Variants in LRRK2 observed in about 807,000 individuals in gnomAD.
LRRK2 encodes leucine-rich repeat serine/threonine-protein kinase 2.
In LRRK2, 203 loss-of-function variants were observed where a neutral mutation model predicts 302.6. The observed-to-expected ratio is 0.67, with a 90% confidence interval of 0.60 to 0.75. The LOEUF is 0.75. Ranked by LOEUF, LRRK2 falls within the 30% of genes least tolerant of loss-of-function variation. The probability of loss-of-function intolerance (pLI) is 0.00; values close to 1 mark genes in which losing one functional copy is unlikely to be tolerated. For missense variants in LRRK2, 2,830 were observed against 2,951.0 expected (o/e 0.96, Z 0.95); for synonymous variants, 1,066 against 1,031.9 (o/e 1.03, Z -0.63).
At chr12:40,287,812 A>T (rs926771782) in intron 20 of LRRK2, among the ~76,000 whole-genome samples, 1 of 151,938 alleles carries the variant, frequency 6.6e-6, no homozygotes, top group Non-Finnish European at 1.5e-5. Flanking sequence ...ACGCTCTGTC[A>T]TTGACTAGAT....
At chr12:40,292,755 G>A (rs1944208229) in intron 20 of LRRK2, among the ~76,000 whole-genome samples, 1 of 151,382 alleles carries the variant, frequency 6.6e-6, no homozygotes, top group Admixed American at 6.6e-5. Context: ...AAAGAGTAGG[G>A]GAATTTAAAA....
chr12:40,367,674 T>C lies in LRRK2; in HGVS notation c.7493T>C (p.Ile2498Thr). The C allele has an allele frequency of 6.2e-7, 1 of 1,604,340 alleles. No individual in the cohort carries two copies. Among genetic ancestry groups the C allele is most frequent in the Non-Finnish European group, 8.5e-7 (1 of 1,174,300 alleles). The change falls in exon 51 of 51, where the codon ATC becomes ACC. Residue 2498 changes from isoleucine (I) to threonine (T), a missense_variant. Ile to Thr is a moderately conservative substitution (Grantham distance 89, BLOSUM62 -1). This residue lies in a region of LRRK2 where 456 missense variants were observed against 456.3 expected (regional missense o/e 1.00). Transcript: ENST00000298910. ...EIQSCLTVWDINLPHEVQNLE... is the reference protein window; with the variant it reads ...EIQSCLTVWDTNLPHEVQNLE... Reference sequence around the variant, plus strand: ...CAATCTTGCTTGACCGTTTGGGACATCAATCTTCCACATGAAGTGCAAAAT... The same window carrying C: ...CAATCTTGCTTGACCGTTTGGGACACCAATCTTCCACATGAAGTGCAAAAT...
chr12:40,274,748 G>A (rs1200043614), intron 15 of LRRK2, 21 bp downstream of exon 15: 1 of 1,613,778 alleles, frequency 6.2e-7, no homozygotes, highest in East Asian at 2.2e-5. Context: ...TTTGAATTCA[G>A]GATTTAGAAT....
rs1349803740 is a variant in LRRK2 at position 40,305,987 on chromosome 12, T to G, written c.3959+21T>G. ...ATAAGGTTAGATAATTTTTTTCTAT[T>G]TGGTTTTACTAAATTTATTTCAGAT... On this transcript the variant is annotated intron_variant, in intron 28 of 50. Transcript: ENST00000298910. The G allele has an allele frequency of 3.8e-6, 6 of 1,564,684 alleles. No individual in the cohort carries two copies. The East Asian group carries it at 1.4e-4, about 35-fold the overall frequency.
At chr12:40,343,801 CT>C (rs1485853160) in intron 41 of LRRK2, among the ~76,000 whole-genome samples, 8 of 152,126 alleles carry the variant, frequency 5.3e-5, no homozygotes, top group African/African-American at 1.7e-4. Context: ...AAGCATCAAA[CT>C]GGCTCTACCA....
At chr12:40,286,292 ATCCTACCGGG>A (rs1565713483) in intron 19 of LRRK2, 1 of 152,000 alleles carries the variant, frequency 6.6e-6, no homozygotes, top group Non-Finnish European at 1.5e-5. Flanking sequence ...GTGTGAGCTC[ATCCTACCGGG>A]CTTCGGGATA....
intron 7 of LRRK2, among the ~76,000 whole-genome samples, chr12:40,246,863 C>T (rs780695280): frequency 6.6e-6 from 1 of 152,136 alleles, no homozygotes; most frequent in African/African-American, 2.4e-5. Context: ...CTTGTTTCAG[C>T]TTCTTTTTGA....
chr12:40,302,132 C>T (rs1353191664), intron 25 of LRRK2, among the ~76,000 whole-genome samples: 2 of 152,076 alleles, frequency 1.3e-5, no homozygotes, highest in Admixed American at 6.5e-5. Flanking sequence ...GAGCTGAGAT[C>T]ACGCTACTGC....
chr12:40,244,277 CATACT>C (rs1941873831), intron 7 of LRRK2, among the ~76,000 whole-genome samples: 1 of 152,142 alleles, frequency 6.6e-6, no homozygotes, highest in African/African-American at 2.4e-5. Flanking sequence ...AAAATGTAAT[CATACT>C]GTATGTTGTC....
At chr12:40,305,700 C>A (rs1944792926) in intron 27 of LRRK2, 85 bp from the exon 28 acceptor site, 1 of 1,173,404 alleles carries the variant, frequency 8.5e-7, no homozygotes, top group South Asian at 1.2e-5. Context: ...AATCTGTGAG[C>A]CTTTCTTGTT....
chr12:40,365,190 G>GAA (rs1946840675), intron 49 of LRRK2, 140 bp downstream of exon 49: 1 of 746,454 alleles, frequency 1.3e-6, no homozygotes, highest in East Asian at 2.7e-5. Flanking sequence ...CATAAGACTG[G>GAA]TATAAATTGT....
In LRRK2 at chr12:40,314,100, A is replaced by G. The variant is rs760423460; in HGVS notation, c.4665A>G (p.Gln1555=). Residue 1555 remains glutamine (Q), a synonymous_variant, in exon 32 of 51, where the codon CAA becomes CAG. Transcript: ENST00000298910. ...TAATTGACCGGAAACGATTATTACAACTAGTGAGAGAAAATCAGCTGCAGT... is the reference window on the plus strand; with the variant it reads ...TAATTGACCGGAAACGATTATTACAGCTAGTGAGAGAAAATCAGCTGCAGT... ...FPVIDRKRLL[Q]LVRENQLQLD... is the part of the protein sequence containing the mutation. The G allele has an allele frequency of 1.9e-6, 3 of 1,612,706 alleles. No individual in the cohort carries two copies. Among genetic ancestry groups the G allele is most frequent in the Admixed American group, 1.7e-5 (1 of 59,886 alleles).
At position 40,243,536 on chromosome 12, in the gene LRRK2, C is replaced by G; in HGVS notation, c.707-14C>G. On this transcript the variant is annotated splice_polypyrimidine_tract_variant and intron_variant, in intron 6 of 50. Transcript: ENST00000298910. ...TGGTTACCTTATTGATAATTATGAT[C>G]TCTTTAAATTCAGGCAATAATGTGG... The G allele has an allele frequency of 6.2e-7, 1 of 1,609,888 alleles. No homozygotes were observed. The highest frequency in any genetic ancestry group is 8.5e-7 in the Non-Finnish European group (1 of 1,177,146).
intron 21 of LRRK2, among the ~76,000 whole-genome samples, chr12:40,294,223 AT>A (rs1325268199): frequency 6.6e-6 from 1 of 151,712 alleles, no homozygotes; most frequent in Non-Finnish European, 1.5e-5. Context: ...ATTGAAAGTC[AT>A]TTAATTTTTT....
At chr12:40,273,002 GAC>G (rs76660489) in intron 14 of LRRK2, among the ~76,000 whole-genome samples, 9,241 of 152,186 alleles carry the variant, frequency 0.061, 387 homozygotes, top group Admixed American at 0.13. Flanking sequence ...CCCAAGGCCT[GAC>G]CTGTGATCAT....
chr12:40,230,026 G>A (rs796075354), intron 2 of LRRK2, among the ~76,000 whole-genome samples: 6 of 139,632 alleles, frequency 4.3e-5, no homozygotes, highest in African/African-American at 1.3e-4. Flanking sequence ...TAAATAGTTC[G>A]GAAAAAAGTC....
Position 40,322,073 on chromosome 12 carries a change from G to A in LRRK2, c.5209G>A (p.Gly1737Ser). 6.2e-7 allele frequency: 1 copy of A among 1,613,432 alleles called. No homozygotes were observed. Among genetic ancestry groups the A allele is most frequent in the Non-Finnish European group, 8.5e-7 (1 of 1,179,518 alleles). ...LRPNRMYWRQGIYLNWSPEAY... is the reference protein window; with the variant it reads ...LRPNRMYWRQSIYLNWSPEAY... The stretch of plus-strand genomic sequence containing the variant: ...CCCAAACAGAATGTATTGGCGACAA[G>A]GCATTTACTTAAATTGGTCTCCTGA... Residue 1737 changes from glycine to serine, a missense_variant, in exon 36 of 51, where the codon GGC becomes AGC. By Grantham distance (56) the Gly-to-Ser change is moderately conservative (BLOSUM62 0). Transcript: ENST00000298910.
chr12:40,341,175 G>T (rs1592312465), intron 41 of LRRK2, among the ~76,000 whole-genome samples: 2 of 73,980 alleles, frequency 2.7e-5, no homozygotes, highest in South Asian at 1.0e-3. Context: ...TTTAGGGGTT[G>T]GCATTTGTTT....
chr12:40,365,217 G>C, intron 49 of LRRK2, 167 bp downstream of exon 49: 2 of 627,924 alleles, frequency 3.2e-6, no homozygotes, highest in African/African-American at 3.7e-5. Context: ...GGTCATTACA[G>C]AAGTGGAGGG....
Sources: allele counts gnomAD v4.1 joint callset (sites outside exome capture counted in the v4.1 genomes callset), GRCh38; gene constraint gnomAD v4.1.1; regional missense constraint gnomAD v4.1.1; transcripts MANE v1.5; gene names NCBI Gene and HGNC (gene_info 2026-07-23, HGNC 2026-07-21).